Variants in OSBPL3 observed in about 807,000 individuals in gnomAD.
OSBPL3 encodes oxysterol-binding protein-related protein 3.
A neutral mutation model predicts 120.1 loss-of-function variants in OSBPL3; 65 were observed. The ratio of observed to expected loss-of-function variants is 0.54; its 90% CI spans 0.44 to 0.67. OSBPL3 has a LOEUF of 0.67. Ranked by LOEUF, OSBPL3 falls within the 30% of genes least tolerant of loss-of-function variation. The probability of loss-of-function intolerance (pLI) is 0.00; values close to 1 mark genes in which losing one functional copy is unlikely to be tolerated. For missense variants in OSBPL3, 1,004 were observed against 1,082.1 expected, an observed-to-expected ratio of 0.93 and a Z score of 1.01; for synonymous variants, 416 against 402.6, an observed-to-expected ratio of 1.03 and a Z score of -0.40.
rs561549217 is a variant in OSBPL3 at position 24,870,895 on chromosome 7, T to G, written c.268-50A>C. The G allele has an allele frequency of 6.3e-4, 721 of 1,148,060 alleles. 10 individuals are homozygous for G. In the South Asian group the frequency reaches 8.5e-3, roughly 13 times the overall value. The allele number at this position is 1,148,060 out of a possible 1,614,324, so 71.1% of individuals were successfully genotyped here. On this transcript the variant is annotated intron_variant, in intron 4 of 22. Coordinates refer to ENST00000313367, the MANE Select transcript of OSBPL3 (RefSeq NM_015550.4). Reference sequence around the variant, plus strand: ...TTGGGGACCATGGTGTTAGAAGCAGTAGTCACATCCCTGACACACCCTTCC... The same window carrying G: ...TTGGGGACCATGGTGTTAGAAGCAGGAGTCACATCCCTGACACACCCTTCC...
At chr7:24,844,522 A>T (rs1320346038) in intron 12 of OSBPL3, among the ~76,000 whole-genome samples, 1 of 152,204 alleles carries the variant, frequency 6.6e-6, no homozygotes, top group Non-Finnish European at 1.5e-5. Context: ...AAAGGGAGGG[A>T]AAGGAACATT....
chr7:24,958,429 C>T (rs1815329398), intron 1 of OSBPL3, among the ~76,000 whole-genome samples: 1 of 152,134 alleles, frequency 6.6e-6, no homozygotes, highest in Admixed American at 6.5e-5. Flanking sequence ...TATGATCCAA[C>T]TACTCTGAGC....
At chr7:24,978,682 CATCTGTGGAAGT>C (rs1186539592) in intron 1 of OSBPL3, among the ~76,000 whole-genome samples, 7 of 152,336 alleles carry the variant, frequency 4.6e-5, no homozygotes, top group African/African-American at 1.7e-4. Context: ...CGCTTTCACC[CATCTGTGGAAGT>C]ATCTCTTTTG....
intron 1 of OSBPL3, among the ~76,000 whole-genome samples, chr7:24,917,724 G>C (rs969698776): frequency 1.3e-5 from 2 of 152,002 alleles, no homozygotes; most frequent in African/African-American, 4.8e-5. Flanking sequence ...AGTCCCAGAA[G>C]GCTCTCTGTG....
At chr7:24,812,198 T>C (rs1463779169) in intron 19 of OSBPL3, among the ~76,000 whole-genome samples, 1 of 151,308 alleles carries the variant, frequency 6.6e-6, no homozygotes, top group African/African-American at 2.4e-5. Context: ...TCCCAGCTAC[T>C]TGGGAGGCTG....
chr7:24,825,463 C>T (rs993342507), intron 16 of OSBPL3, among the ~76,000 whole-genome samples: 1 of 152,174 alleles, frequency 6.6e-6, no homozygotes, highest in African/African-American at 2.4e-5. Flanking sequence ...CTCATAAACA[C>T]ATGGCCTCTT....
intron 1 of OSBPL3, among the ~76,000 whole-genome samples, chr7:24,961,340 A>G (rs1815713355): frequency 6.6e-6 from 1 of 152,182 alleles, no homozygotes. Flanking sequence ...ATCTAGCCAC[A>G]TCTAGTTGAA....
rs1003534467 is a variant in OSBPL3 at position 24,827,121 on chromosome 7, G to T, written c.1884+3647C>A. Among the ~76,000 whole-genome samples the T allele has an allele frequency of 6.6e-6, 1 of 152,186 alleles. No individual in the cohort carries two copies. The highest frequency in any genetic ancestry group is 2.4e-5 in the African/African-American group (1 of 41,438). ...CCAAAAATATTAATTCGGGGGGCTT[G>T]CCCAGTTTATTATACTAGTCATCCA... On this transcript the variant is annotated intron_variant, in intron 16 of 22. Coordinates refer to ENST00000313367, the MANE Select transcript of OSBPL3 (RefSeq NM_015550.4). This position sits in a 1 kb window ranked among gnomAD's most constrained non-coding sequence, Gnocchi z 5.1.
rs567489095 is a variant in OSBPL3 at position 24,896,559 on chromosome 7, C to T, written c.-149-3938G>A. On this transcript the variant is annotated intron_variant, in intron 1 of 22. Transcript: ENST00000313367. The surrounding 1 kb of genome is among the most constrained non-coding windows in gnomAD (Gnocchi z 4.4). ...TTGGCAACAAAGGCTGATTTTAAGACTCATGTTAGTAGGTTTCACTTAGAA... is the reference window on the plus strand; with the variant it reads ...TTGGCAACAAAGGCTGATTTTAAGATTCATGTTAGTAGGTTTCACTTAGAA... Among the ~76,000 whole-genome samples the T allele has an allele frequency of 1.1e-3, 173 of 152,290 alleles. No individual in the cohort carries two copies. The highest frequency in any genetic ancestry group is 3.9e-3 in the African/African-American group (164 of 41,552).
chr7:24,962,778 T>C (rs1815933068), intron 1 of OSBPL3, among the ~76,000 whole-genome samples: 1 of 152,192 alleles, frequency 6.6e-6, no homozygotes, highest in Non-Finnish European at 1.5e-5. Flanking sequence ...AGCACTACTT[T>C]TGGACGTTTT....
chr7:24,834,819 TAGCAA>T lies in OSBPL3; in HGVS notation c.1496-88_1496-84del. 1 of 1,229,588 alleles carries T rather than the reference TAGCAA, an allele frequency of 8.1e-7. No homozygotes were observed. The highest frequency in any genetic ancestry group is 1.1e-6 in the Non-Finnish European group (1 of 901,494). The allele number at this position is 1,229,588 out of a possible 1,614,324, so 76.2% of individuals were successfully genotyped here. Reference sequence around the variant, plus strand: ...TTTAATCCACGAATAAAACCTTACGTAGCAAGTAGTCAATGTTACTATTAAACTCA... The same window carrying T: ...TTTAATCCACGAATAAAACCTTACGTGTAGTCAATGTTACTATTAAACTCA... On this transcript the variant is annotated intron_variant, in intron 14 of 22. Coordinates refer to ENST00000313367, the MANE Select transcript of OSBPL3 (RefSeq NM_015550.4). The surrounding 1 kb of genome is among the most constrained non-coding windows in gnomAD (Gnocchi z 5.2).
chr7:24,839,039 C>CCCCT (rs1293377047), intron 14 of OSBPL3, among the ~76,000 whole-genome samples: 14 of 152,182 alleles, frequency 9.2e-5, no homozygotes, highest in African/African-American at 3.1e-4. Flanking sequence ...CTGCTTTCTT[C>CCCCT]CCCTATACTG....
chr7:24,870,746 T>C lies in OSBPL3; in HGVS notation c.367A>G (p.Ile123Val), dbSNP rs747474930. ...KCIDLDTEEH[I>V]YHLKVKSEEV... is the part of the protein sequence containing the mutation. ...AGCAGCCTCACCTTCAGATGGTAGA[T>C]GTGCTCCTCGGTGTCAAGGTCTATG... The change falls in exon 5 of 23, where the codon ATC (isoleucine) becomes GTC (valine). Residue 123 changes from isoleucine (I) to valine (V), a missense_variant. By Grantham distance (29) the Ile-to-Val change is conservative (BLOSUM62 3). Coordinates refer to ENST00000313367, the MANE Select transcript of OSBPL3 (RefSeq NM_015550.4). The C allele has an allele frequency of 1.9e-6, 3 of 1,603,716 alleles. No homozygotes were observed. The highest frequency in any genetic ancestry group is 2.6e-6 in the Non-Finnish European group (3 of 1,170,542).
rs1338204479 is a variant in OSBPL3 at position 24,828,619 on chromosome 7, AAAG to A, written c.1884+2146_1884+2148del. 2.3e-4 allele frequency among the ~76,000 whole-genome samples: 29 copies of A among 123,806 alleles called. 1 individual carries two copies. The highest frequency in any genetic ancestry group is 7.3e-4 in the African/African-American group (17 of 23,204). 81.2% of individuals were successfully genotyped at this position (123,806 alleles called of 152,430 possible). A position where few individuals can be genotyped will look rare whatever the true frequency, so the allele number is the denominator to read the frequency against. On this transcript the variant is annotated intron_variant, in intron 16 of 22. Coordinates refer to ENST00000313367, the MANE Select transcript of OSBPL3 (RefSeq NM_015550.4). The stretch of plus-strand genomic sequence containing the variant: ...GAGACTCTGTCTGAAAAAAAAAAAA[AAAG>A]AAAAAAAAAAAAAAGGCATCGTAGA...
Position 24,800,293 on chromosome 7 carries a change from AAC to A in OSBPL3, c.2568-16_2568-15del. On this transcript the variant is annotated splice_polypyrimidine_tract_variant and intron_variant, in intron 22 of 22. Coordinates refer to ENST00000313367, the MANE Select transcript of OSBPL3 (RefSeq NM_015550.4). ...TCGTCGGATTTCCTGTGAAAGAAGA[AAC>A]AATTTCTTGCAGACTCTTGAAACCA... The A allele has an allele frequency of 6.5e-7, 1 of 1,530,086 alleles. No homozygotes were observed. The highest frequency in any genetic ancestry group is 9.1e-7 in the Non-Finnish European group (1 of 1,104,248). 94.8% of individuals were successfully genotyped at this position (1,530,086 alleles called of 1,614,324 possible).
chr7:24,838,380 T>C lies in OSBPL3; in HGVS notation c.1495+2310A>G, dbSNP rs556642589. On this transcript the variant is annotated intron_variant, in intron 14 of 22. Coordinates refer to ENST00000313367, the MANE Select transcript of OSBPL3 (RefSeq NM_015550.4). ...GCATGATGGTGCGTGCCTGTAATCCTAGCTACTCGGGAGGCTGAGGCATGA... is the reference window on the plus strand; with the variant it reads ...GCATGATGGTGCGTGCCTGTAATCCCAGCTACTCGGGAGGCTGAGGCATGA... 5.4e-3 allele frequency among the ~76,000 whole-genome samples: 812 copies of C among 151,758 alleles called. 12 individuals are homozygous for C. The highest frequency in any genetic ancestry group is 0.019 in the African/African-American group (779 of 41,120).
At position 24,845,384 on chromosome 7, in the gene OSBPL3, TAAAAAAAAAA is replaced by T. The variant is rs34559902; in HGVS notation, c.1267-2981_1267-2972del. ...GAATTTACAAATATTGCAAAATAAG[TAAAAAAAAAA>T]AAAAAAAAAAAAAAAAAAAAGAAAA... is the stretch of plus-strand genomic sequence containing the variant. On this transcript the variant is annotated intron_variant, in intron 12 of 22. Coordinates refer to ENST00000313367, the MANE Select transcript of OSBPL3 (RefSeq NM_015550.4). 6.6e-4 allele frequency among the ~76,000 whole-genome samples: 41 copies of T among 62,264 alleles called. 2 individuals carry two copies. Among genetic ancestry groups the T allele is most frequent in the Middle Eastern group, 0.024 (1 of 42 alleles). The allele number at this position is 62,264 out of a possible 152,430, so 40.8% of individuals were successfully genotyped here.
intron 13 of OSBPL3, among the ~76,000 whole-genome samples, 153 bp from the exon 14 acceptor site, chr7:24,840,936 C>A (rs557905432): frequency 6.6e-6 from 1 of 152,292 alleles, no homozygotes; most frequent in East Asian, 1.9e-4. Context: ...ACCAATCTGC[C>A]AAGGAGGTGT....
chr7:24,809,639 G>A (rs1318581705), intron 20 of OSBPL3, among the ~76,000 whole-genome samples, 168 bp downstream of exon 20: 1 of 152,136 alleles, frequency 6.6e-6, no homozygotes, highest in African/African-American at 2.4e-5. Flanking sequence ...AGCATGACAG[G>A]GAGGTGAAGA....
Sources: allele counts gnomAD v4.1 joint callset (sites outside exome capture counted in the v4.1 genomes callset), GRCh38; gene constraint gnomAD v4.1.1; non-coding constraint Gnocchi (gnomAD v3.1); transcripts MANE v1.5; gene names NCBI Gene and HGNC (gene_info 2026-07-23, HGNC 2026-07-21).